Variants in NVL observed in about 807,000 individuals in gnomAD.
NVL encodes nuclear valosin-containing protein-like.
In NVL, 84 loss-of-function variants were observed where a neutral mutation model predicts 110.2. The observed-to-expected ratio is 0.76, with a 90% CI of 0.64 to 0.91. The LOEUF is 0.91. Among genes scored for constraint, NVL ranks in the 40% least tolerant of loss-of-function variants. The pLI is 0.00. For missense variants in NVL, 882 were observed against 1,035.9 expected (o/e 0.85, Z 2.04); for synonymous variants, 354 against 361.1 (o/e 0.98, Z 0.22).
At chr1:224,269,084 CTTTTT>C (rs34790130) in intron 17 of NVL, among the ~76,000 whole-genome samples, 2 of 97,940 alleles carry the variant, frequency 2.0e-5, no homozygotes, top group African/African-American at 3.7e-5. Flanking sequence ...GTGAGACTAA[CTTTTT>C]TTTTTTTTTT....
intron 5 of NVL, among the ~76,000 whole-genome samples, chr1:224,308,830 G>A (rs1254489429): frequency 2.0e-5 from 3 of 152,108 alleles, no homozygotes; most frequent in African/African-American, 7.2e-5. Flanking sequence ...GGGAAGCCGA[G>A]GCGGGCGGAT....
At chr1:224,230,896 G>A (rs574993750) in intron 22 of NVL, among the ~76,000 whole-genome samples, 2 of 152,244 alleles carry the variant, frequency 1.3e-5, no homozygotes, top group South Asian at 4.1e-4. Context: ...CACTTTGGGA[G>A]GCAGAGACGG....
rs201381012 is a variant in NVL, at chr1:224,233,264, G to A, written c.2392C>T (p.Arg798Ter). The A allele has an allele frequency of 6.8e-6, 11 of 1,611,634 alleles. No homozygotes were observed. The highest frequency in any genetic ancestry group is 1.1e-5 in the South Asian group (1 of 90,686). ...YTGADLSALVREASICALRQE... is the reference protein window; with the variant it reads ...YTGADLSALV The stretch of plus-strand genomic sequence containing the variant: ...CTCAGGGCACAGATAGAAGCTTCTC[G>A]TACCAAAGCAGAGAGATCTGCGCCC... Residue 798 changes from arginine (R) to a stop codon, truncating the protein, a stop_gained, in exon 21 of 23, where the codon CGA (arginine) becomes TGA (stop). Transcript: ENST00000281701. LOFTEE classifies it high-confidence loss of function.
At chr1:224,261,973 A>T (rs1374079151) in intron 18 of NVL, among the ~76,000 whole-genome samples, 1 of 152,118 alleles carries the variant, frequency 6.6e-6, no homozygotes, top group East Asian at 1.9e-4. Flanking sequence ...AAATACAAAT[A>T]AATAAATTAA....
At chr1:224,240,774 C>T (rs979025443) in intron 19 of NVL, among the ~76,000 whole-genome samples, 2 of 141,940 alleles carry the variant, frequency 1.4e-5, no homozygotes, top group African/African-American at 5.2e-5. Context: ...AAGAAAGTAA[C>T]AAACTGTCCT....
At chr1:224,309,898 C>T (rs942839760) in intron 5 of NVL, among the ~76,000 whole-genome samples, 4 of 152,006 alleles carry the variant, frequency 2.6e-5, no homozygotes, top group Non-Finnish European at 4.4e-5. Flanking sequence ...GGTGTGGTGG[C>T]GCACACCTTA....
chr1:224,307,869 T>C, intron 6 of NVL, 122 bp downstream of exon 6: 1 of 835,644 alleles, frequency 1.2e-6, no homozygotes, highest in Non-Finnish European at 1.8e-6. Context: ...GATCAAATTC[T>C]CCATATATTT....
chr1:224,285,980 TCTGATA>T, intron 15 of NVL, 40 bp downstream of exon 15: 1 of 1,386,830 alleles, frequency 7.2e-7, no homozygotes, highest in Non-Finnish European at 1.0e-6. Context: ...TATTATCCTA[TCTGATA>T]CTAAGAAATA....
chr1:224,293,485 T>C (rs913785967), intron 12 of NVL, among the ~76,000 whole-genome samples: 1 of 152,220 alleles, frequency 6.6e-6, no homozygotes, highest in African/African-American at 2.4e-5. Context: ...TCTATGGACA[T>C]TACTCATTTG....
intron 18 of NVL, among the ~76,000 whole-genome samples, chr1:224,261,762 G>A (rs1664010114): frequency 6.6e-6 from 1 of 151,930 alleles, no homozygotes; most frequent in African/African-American, 2.4e-5. Context: ...GACCAGCCTG[G>A]GCAACATAGT....
rs1659830543 is a variant in NVL at position 224,231,116 on chromosome 1, G to C, written c.2526+110C>G. Reference sequence around the variant, plus strand: ...CCACTGCACTCCAGCATGGACGACAGAGCAAGACTCCGTCTCAAAAAAAAA... The same window carrying C: ...CCACTGCACTCCAGCATGGACGACACAGCAAGACTCCGTCTCAAAAAAAAA... On this transcript the variant is annotated intron_variant, in intron 22 of 22. Coordinates refer to ENST00000281701, the MANE Select transcript of NVL (RefSeq NM_002533.4). 8 of 720,008 alleles carry C rather than the reference G, an allele frequency of 1.1e-5. No individual in the cohort carries two copies. In the South Asian group the frequency reaches 1.1e-4, roughly 10 times the overall value. The allele number at this position is 720,008 out of a possible 1,614,324, so 44.6% of individuals were successfully genotyped here.
chr1:224,304,833 G>A (rs1668762723), intron 7 of NVL, 21 bp from the exon 8 acceptor site: 1 of 1,597,136 alleles, frequency 6.3e-7, no homozygotes, highest in Non-Finnish European at 8.6e-7. Context: ...AAAATGAGGA[G>A]ATGAAAAGAT....
At chr1:224,289,843 G>A in intron 12 of NVL, 110 bp from the exon 13 acceptor site, 1 of 973,116 alleles carries the variant, frequency 1.0e-6, no homozygotes, top group Non-Finnish European at 1.5e-6. Context: ...TATCAAAATG[G>A]ATACTATATA....
intron 19 of NVL, among the ~76,000 whole-genome samples, chr1:224,247,531 T>A (rs979336498): frequency 6.6e-6 from 1 of 151,966 alleles, no homozygotes; most frequent in Non-Finnish European, 1.5e-5. Flanking sequence ...TAGCTGGGCT[T>A]GGTGGTGCAC....
intron 9 of NVL, chr1:224,301,750 TG>T: frequency 4.0e-6 from 1 of 249,744 alleles, no homozygotes; most frequent in Non-Finnish European, 8.0e-6. Flanking sequence ...CAGTGAGCTG[TG>T]ATCATGCCAC....
intron 5 of NVL, among the ~76,000 whole-genome samples, chr1:224,309,439 A>G (rs1372136325): frequency 2.0e-5 from 3 of 151,948 alleles, no homozygotes; most frequent in Admixed American, 6.6e-5. Flanking sequence ...GGACAACTTG[A>G]GCCCAAGAGT....
chr1:224,228,427 C>T (rs1266043977), intron 22 of NVL, among the ~76,000 whole-genome samples: 2 of 151,890 alleles, frequency 1.3e-5, no homozygotes, highest in Non-Finnish European at 2.9e-5. Flanking sequence ...GCCTCGGCCT[C>T]CTGAGTAGCT....
rs548905396 is a variant in NVL, at chr1:224,306,968, GT to G, written c.615+1022del. Among the ~76,000 whole-genome samples the G allele has an allele frequency of 3.8e-3, 582 of 152,056 alleles. 3 individuals carry two copies. The highest frequency in any genetic ancestry group is 0.013 in the African/African-American group (547 of 41,478). On this transcript the variant is annotated intron_variant, in intron 6 of 22. Coordinates refer to ENST00000281701, the MANE Select transcript of NVL (RefSeq NM_002533.4). ...CTATTAATAAATAAAAAGGGGAAAG[GT>G]TCTGCCAAATCAAAGGGCTTGGTTC...
At chr1:224,315,054 T>A (rs1464150895) in intron 4 of NVL, among the ~76,000 whole-genome samples, 1 of 19,090 alleles carries the variant, frequency 5.2e-5, no homozygotes, top group East Asian at 1.9e-3. Flanking sequence ...AATAACTCTG[T>A]TTCTTTTTTT....
Sources: allele counts gnomAD v4.1 joint callset (sites outside exome capture counted in the v4.1 genomes callset), GRCh38; gene constraint gnomAD v4.1.1; transcripts MANE v1.5; gene names NCBI Gene and HGNC (gene_info 2026-07-23, HGNC 2026-07-21).